The following TMTC2 variants were observed in gnomAD, a reference collection of about 807,000 sequenced individuals.
The protein encoded by TMTC2 is protein O-mannosyl-transferase TMTC2.
TMTC2 carries 43 observed loss-of-function variants against 82.4 expected under a neutral mutation model. The ratio of observed to expected loss-of-function variants is 0.52; its 90% CI spans 0.41 to 0.67. The LOEUF is 0.67. Among genes scored for constraint, TMTC2 ranks in the 30% least tolerant of loss-of-function variants. The pLI, the probability that TMTC2 is intolerant of heterozygous loss-of-function variation, is 0.00. For synonymous variants in TMTC2, 408 were observed against 381.9 expected, an observed-to-expected ratio of 1.07 and a Z score of -0.80; for missense variants, 919 against 1,012.4, an observed-to-expected ratio of 0.91 and a Z score of 1.25.
intron 7 of TMTC2, among the ~76,000 whole-genome samples, chr12:82,981,944 G>T (rs974697116): frequency 6.6e-6 from 1 of 150,452 alleles, no homozygotes; most frequent in Non-Finnish European, 1.5e-5. Context: ...TAGTATTTGT[G>T]TAGAATGGTA....
chr12:83,035,588 A>G (rs1013173998), intron 9 of TMTC2, among the ~76,000 whole-genome samples: 1 of 152,356 alleles, frequency 6.6e-6, no homozygotes, highest in Non-Finnish European at 1.5e-5. Context: ...ATAAGTAATA[A>G]TACAACATTG....
chr12:82,888,897 GATAAGT>G (rs1259076366), intron 2 of TMTC2, among the ~76,000 whole-genome samples: 1 of 152,140 alleles, frequency 6.6e-6, no homozygotes, highest in Non-Finnish European at 1.5e-5. Context: ...ACAATCGCAA[GATAAGT>G]ATATTAGAAC....
chr12:82,777,622 G>A (rs140871912), intron 1 of TMTC2, among the ~76,000 whole-genome samples: 26 of 152,194 alleles, frequency 1.7e-4, no homozygotes, highest in African/African-American at 6.3e-4. Flanking sequence ...CCAATAAAAT[G>A]TTCTGGAGAG....
intron 11 of TMTC2, among the ~76,000 whole-genome samples, chr12:83,078,950 A>G (rs999632064): frequency 1.3e-5 from 2 of 152,116 alleles, no homozygotes; most frequent in Non-Finnish European, 2.9e-5. Flanking sequence ...TGGAAAGTAA[A>G]TTGTTCAGCT....
chr12:82,831,483 C>G (rs909257572), intron 1 of TMTC2, among the ~76,000 whole-genome samples: 1 of 152,174 alleles, frequency 6.6e-6, no homozygotes, highest in Non-Finnish European at 1.5e-5. Flanking sequence ...TACGGCCTGG[C>G]AGATCATAAG....
chr12:83,125,835 G>GTGTT (rs1885083224), intron 11 of TMTC2, among the ~76,000 whole-genome samples: 1 of 152,144 alleles, frequency 6.6e-6, no homozygotes, highest in African/African-American at 2.4e-5. Context: ...TGTTATTAAG[G>GTGTT]ATATAGAATA....
intron 1 of TMTC2, among the ~76,000 whole-genome samples, chr12:82,699,621 T>C (rs1294235462): frequency 6.6e-6 from 1 of 152,192 alleles, no homozygotes; most frequent in Non-Finnish European, 1.5e-5. Flanking sequence ...GTCAATCAGT[T>C]TTGTATATCA....
chr12:82,938,801 A>C (rs1001785899), intron 4 of TMTC2, among the ~76,000 whole-genome samples: 1 of 152,196 alleles, frequency 6.6e-6, no homozygotes, highest in African/African-American at 2.4e-5. Flanking sequence ...AAACATTCAA[A>C]TAATAATACT....
At chr12:82,759,645 C>T (rs1012218531) in intron 1 of TMTC2, 2 of 152,186 alleles carry the variant, frequency 1.3e-5, no homozygotes, top group Non-Finnish European at 2.9e-5. Flanking sequence ...AAAAACTGCA[C>T]TTGACTCTTG....
chr12:83,094,170 A>T (rs556966166), intron 11 of TMTC2, among the ~76,000 whole-genome samples: 1 of 152,356 alleles, frequency 6.6e-6, no homozygotes, highest in African/African-American at 2.4e-5. Flanking sequence ...TAGATCCAAC[A>T]TCCGCGTATG....
intron 1 of TMTC2, among the ~76,000 whole-genome samples, chr12:82,698,536 A>G (rs1872923466): frequency 6.6e-6 from 1 of 152,204 alleles, no homozygotes; most frequent in Non-Finnish European, 1.5e-5. Context: ...CATTAAGTAC[A>G]GCTGTCCCCG....
intron 3 of TMTC2, 80 bp downstream of exon 3, chr12:82,896,726 C>A: frequency 8.6e-7 from 1 of 1,161,958 alleles, no homozygotes; most frequent in Non-Finnish European, 1.2e-6. Context: ...TCTTAAAACA[C>A]AGTATTAAGG....
At position 82,696,964 on chromosome 12, in the gene TMTC2, G is replaced by GTATA. The variant is rs3993380; in HGVS notation, c.83+9311_83+9314dup. Among the ~76,000 whole-genome samples the GTATA allele has an allele frequency of 3.0e-3, 426 of 141,538 alleles. 8 individuals carry two copies. Among genetic ancestry groups the GTATA allele is most frequent in the Admixed American group, 7.2e-3 (97 of 13,536 alleles). 92.9% of individuals were successfully genotyped at this position (141,538 alleles called of 152,430 possible). On this transcript the variant is annotated intron_variant, in intron 1 of 11. Coordinates refer to ENST00000321196, the MANE Select transcript of TMTC2 (RefSeq NM_152588.3). ...GCTCTCTTTCTACATACATACATAC[G>GTATA]TATATATATATATATATATGTTTCT...
rs149708803 is a variant in TMTC2, at chr12:82,896,326, C to G, written c.1163C>G (p.Pro388Arg). ...GATGTATCACAGAGAACCCAGCTTC[C>G]TTCTACGGAGAACATTGTTGTTCTG... The part of the protein sequence containing the change: ...KNDVSQRTQL[P>R]STENIVVLSL... The change falls in exon 3 of 12, where the codon CCT (proline) becomes CGT (arginine). Residue 388 changes from proline to arginine, a missense_variant. Pro to Arg is a moderately radical substitution (Grantham distance 103, BLOSUM62 -2). Coordinates refer to ENST00000321196, the MANE Select transcript of TMTC2 (RefSeq NM_152588.3). 656 of 1,613,994 alleles carry G rather than the reference C, an allele frequency of 4.1e-4. 3 individuals carry two copies. Among genetic ancestry groups the G allele is most frequent in the Middle Eastern group, 2.5e-3 (15 of 6,062 alleles).
intron 11 of TMTC2, among the ~76,000 whole-genome samples, chr12:83,126,957 A>G (rs572065062): frequency 2.6e-5 from 4 of 152,266 alleles, no homozygotes; most frequent in South Asian, 4.1e-4. Context: ...TGTTTATACT[A>G]TTCATTTTTA....
At chr12:82,850,408 G>A (rs541591376) in intron 1 of TMTC2, among the ~76,000 whole-genome samples, 4 of 152,174 alleles carry the variant, frequency 2.6e-5, no homozygotes, top group African/African-American at 7.2e-5. Flanking sequence ...ATGGACAGTT[G>A]GAAGTGTAGG....
intron 1 of TMTC2, among the ~76,000 whole-genome samples, chr12:82,800,002 G>A (rs1252932341): frequency 6.6e-6 from 1 of 152,018 alleles, no homozygotes; most frequent in Non-Finnish European, 1.5e-5. Context: ...AAAAAGTAAA[G>A]AGATATAAAC....
At chr12:82,969,086 C>T (rs537520436) in intron 7 of TMTC2, among the ~76,000 whole-genome samples, 1 of 152,178 alleles carries the variant, frequency 6.6e-6, no homozygotes, top group Non-Finnish European at 1.5e-5. Flanking sequence ...CAAGTGTTGG[C>T]TCTAGCTCCT....
At chr12:82,783,400 C>T (rs1333633297) in intron 1 of TMTC2, among the ~76,000 whole-genome samples, 2 of 151,678 alleles carry the variant, frequency 1.3e-5, no homozygotes, top group Non-Finnish European at 2.9e-5. Flanking sequence ...TTGTCTCCTT[C>T]TCATATAAAA....
Sources: gnomAD v4.1 joint callset for allele counts (sites outside exome capture counted in the v4.1 genomes callset) on GRCh38, gnomAD v4.1.1 for gene constraint, MANE v1.5 for transcripts, NCBI Gene and HGNC (gene_info 2026-07-23, HGNC 2026-07-21) for gene names.